AK8: variants seen among roughly 807,000 people sequenced by gnomAD.
AK8 encodes the protein adenylate kinase 8, also known as ATP-AMP transphosphorylase 8.
Under a neutral mutation model 54.6 loss-of-function variants are expected in AK8, and 44 were observed. The ratio of observed to expected loss-of-function variants is 0.81; its 90% CI spans 0.63 to 1.04. AK8 has a LOEUF of 1.04. Among genes scored for constraint, AK8 ranks in the 50% least tolerant of loss-of-function variants. The probability of loss-of-function intolerance (pLI) is 0.00; values close to 1 mark genes in which losing one functional copy is unlikely to be tolerated. For missense variants in AK8, 555 were observed against 613.6 expected (o/e 0.90, Z 1.01); for synonymous variants, 239 against 245.6 (o/e 0.97, Z 0.25).
chr9:132,729,256 T>C (rs1836717652), intron 11 of AK8, among the ~76,000 whole-genome samples: 1 of 152,222 alleles, frequency 6.6e-6, no homozygotes, highest in African/African-American at 2.4e-5. Flanking sequence ...TGGCAAAATG[T>C]CTGGAGACAT....
intron 4 of AK8, among the ~76,000 whole-genome samples, chr9:132,859,357 C>A (rs1457715922): frequency 2.6e-5 from 4 of 152,064 alleles, no homozygotes; most frequent in African/African-American, 9.7e-5. Context: ...CAGGCTCAGC[C>A]TCCCAGGCAG....
At chr9:132,780,469 A>G (rs2809248) in intron 11 of AK8, among the ~76,000 whole-genome samples, 133,175 of 152,204 alleles carry the variant, frequency 0.87, 58,570 homozygotes, top group African/African-American at 0.97. Flanking sequence ...AGCCAACAAC[A>G]ACAACTACAA....
intron 5 of AK8, among the ~76,000 whole-genome samples, chr9:132,852,943 G>A (rs181125768): frequency 6.6e-6 from 1 of 152,082 alleles, no homozygotes; most frequent in East Asian, 1.9e-4. Context: ...AAGAAATAAA[G>A]GCTAAAAACT....
intron 5 of AK8, among the ~76,000 whole-genome samples, chr9:132,845,632 T>G (rs2772003): frequency 0.56 from 85,364 of 151,968 alleles, 26,618 homozygotes; most frequent in East Asian, 0.8. Context: ...AATATAAAAA[T>G]TAGCCGGGCA....
intron 11 of AK8, among the ~76,000 whole-genome samples, chr9:132,741,445 C>T (rs1203570309): frequency 6.6e-6 from 1 of 152,184 alleles, no homozygotes; most frequent in Non-Finnish European, 1.5e-5. Flanking sequence ...TGTTTGGACG[C>T]CAGTCAAGAT....
intron 5 of AK8, among the ~76,000 whole-genome samples, chr9:132,828,993 G>A (rs944305606): frequency 6.9e-6 from 1 of 144,328 alleles, no homozygotes; most frequent in Non-Finnish European, 1.5e-5. Flanking sequence ...TTTCACTCTC[G>A]TTGCCCAATC....
At chr9:132,839,516 A>G (rs1015550943) in intron 5 of AK8, among the ~76,000 whole-genome samples, 31 of 152,282 alleles carry the variant, frequency 2.0e-4, no homozygotes, top group African/African-American at 6.5e-4. Context: ...GTGCTGGGGA[A>G]TAAGAGGCGA....
intron 4 of AK8, among the ~76,000 whole-genome samples, chr9:132,863,337 T>C (rs1010166774): frequency 1.3e-5 from 2 of 152,224 alleles, no homozygotes; most frequent in African/African-American, 4.8e-5. Flanking sequence ...AGCACTTGCC[T>C]CCATGCCTTT....
intron 5 of AK8, among the ~76,000 whole-genome samples, chr9:132,831,848 A>T (rs1842113046): frequency 6.6e-6 from 1 of 152,050 alleles, no homozygotes; most frequent in Non-Finnish European, 1.5e-5. Flanking sequence ...GGATGCCAGG[A>T]ATTTCAAACC....
At chr9:132,728,366 T>A (rs1836671793) in intron 11 of AK8, among the ~76,000 whole-genome samples, 1 of 152,200 alleles carries the variant, frequency 6.6e-6, no homozygotes, top group African/African-American at 2.4e-5. Context: ...GGGGAACATC[T>A]TGTTCTCTAG....
intron 9 of AK8, among the ~76,000 whole-genome samples, chr9:132,815,048 G>T (rs1841261911): frequency 6.6e-6 from 1 of 152,230 alleles, no homozygotes; most frequent in African/African-American, 2.4e-5. Flanking sequence ...ACCTGGAATT[G>T]CTGCGCAGAA....
intron 10 of AK8, among the ~76,000 whole-genome samples, chr9:132,811,565 C>T (rs1841008507): frequency 6.6e-6 from 1 of 152,260 alleles, no homozygotes; most frequent in African/African-American, 2.4e-5. Context: ...GACTTCTGAC[C>T]TACAGAACTG....
At chr9:132,797,364 T>C (rs576797220) in intron 10 of AK8, among the ~76,000 whole-genome samples, 95 of 152,308 alleles carry the variant, frequency 6.2e-4, no homozygotes, top group Non-Finnish European at 1.2e-3. Flanking sequence ...GGAAGTTCTT[T>C]AGTTCCTCAA....
At chr9:132,774,065 C>T (rs73659479) in intron 11 of AK8, among the ~76,000 whole-genome samples, 2,330 of 152,256 alleles carry the variant, frequency 0.015, 63 homozygotes, top group African/African-American at 0.053. Context: ...TCCTTCTCCC[C>T]ACTCCACCTT....
intron 8 of AK8, 57 bp from the exon 9 acceptor site, chr9:132,823,393 C>T (rs1841737571): frequency 6.2e-7 from 1 of 1,606,068 alleles, no homozygotes; most frequent in Non-Finnish European, 8.5e-7. Flanking sequence ...AGGAAACCCG[C>T]TTGCAGCCCC....
chr9:132,733,012 G>A (rs966950818), intron 11 of AK8, among the ~76,000 whole-genome samples: 3 of 152,004 alleles, frequency 2.0e-5, no homozygotes, highest in African/African-American at 7.3e-5. Flanking sequence ...CATGCTGTTC[G>A]CTGAGCTTTG....
chr9:132,872,041 A>C (rs1843862381), intron 2 of AK8, among the ~76,000 whole-genome samples: 1 of 152,210 alleles, frequency 6.6e-6, no homozygotes, highest in South Asian at 2.1e-4. Flanking sequence ...GTAGCGGTTT[A>C]AGAACACAGA....
chr9:132,727,803 C>T (rs1445139858), intron 11 of AK8, among the ~76,000 whole-genome samples: 6 of 152,104 alleles, frequency 3.9e-5, no homozygotes, highest in Admixed American at 1.3e-4. Context: ...GGCCGGGTGC[C>T]AGGCAACTAG....
chr9:132,805,418 C>T (rs571380986), intron 10 of AK8, among the ~76,000 whole-genome samples: 412 of 152,328 alleles, frequency 2.7e-3, no homozygotes, highest in Non-Finnish European at 4.9e-3. Context: ...AGACCTACCC[C>T]CCTCCGGCAG....
Sources: allele counts gnomAD v4.1 joint callset (sites outside exome capture counted in the v4.1 genomes callset), GRCh38; gene constraint gnomAD v4.1.1; transcripts MANE v1.5; gene names NCBI Gene and HGNC (gene_info 2026-07-23, HGNC 2026-07-21).